Variants in CSNK1G1 observed in about 807,000 individuals in gnomAD.
The protein encoded by CSNK1G1 is casein kinase 1 gamma 1.
CSNK1G1 carries 22 observed loss-of-function variants against 59.6 expected under a neutral mutation model. The observed-to-expected ratio is 0.37, with a 90% CI of 0.26 to 0.53. CSNK1G1 has a LOEUF of 0.53. Among genes scored for constraint, CSNK1G1 ranks in the 20% least tolerant of loss-of-function variants. The pLI, the probability that CSNK1G1 is intolerant of heterozygous loss-of-function variation, is 0.89. For missense variants in CSNK1G1, 384 were observed against 519.5 expected, an observed-to-expected ratio of 0.74 and a Z score of 2.54; for synonymous variants, 179 against 177.1, an observed-to-expected ratio of 1.01 and a Z score of -0.08.
chr15:64,223,688 A>G (rs1306810660), intron 4 of CSNK1G1, among the ~76,000 whole-genome samples: 2 of 152,202 alleles, frequency 1.3e-5, no homozygotes, highest in African/African-American at 2.4e-5. Context: ...AATCTCTTAT[A>G]AACCAAACTG....
intron 2 of CSNK1G1, chr15:64,265,632 T>C (rs1596184944): frequency 3.0e-6 from 1 of 331,186 alleles, no homozygotes; most frequent in East Asian, 7.5e-5. Context: ...AACAGACTAA[T>C]ACAGAAGACA....
chr15:64,276,428 T>C (rs1364509436), intron 2 of CSNK1G1, among the ~76,000 whole-genome samples: 1 of 152,250 alleles, frequency 6.6e-6, no homozygotes, highest in Non-Finnish European at 1.5e-5. Context: ...AAATCTCAGA[T>C]GTTACATCAT....
At position 64,171,802 on chromosome 15, in the gene CSNK1G1, GTTT is replaced by G. The variant is rs1487210585; in HGVS notation, c.*126_*128del. ...GCACTGGCCCCTTCTGGGGGCATCT[GTTT>G]TCTTCTTTTTGGTTTGGATATCCAC... On this transcript the variant is annotated 3_prime_UTR_variant, in exon 12 of 12. Transcript: ENST00000303052. This position sits in a 1 kb window ranked among gnomAD's most constrained non-coding sequence, Gnocchi z 4.8. 1 of 844,954 alleles carries G rather than the reference GTTT, an allele frequency of 1.2e-6. No individual in the cohort carries two copies. Among genetic ancestry groups the G allele is most frequent in the Non-Finnish European group, 2.0e-6 (1 of 503,168 alleles). 52.3% of individuals were successfully genotyped at this position (844,954 alleles called of 1,614,324 possible). A position where few individuals can be genotyped will look rare whatever the true frequency, so the allele number is the denominator to read the frequency against.
At chr15:64,319,274 T>C (rs2140436063) in intron 1 of CSNK1G1, among the ~76,000 whole-genome samples, 1 of 152,230 alleles carries the variant, frequency 6.6e-6, no homozygotes, top group Middle Eastern at 3.2e-3. Flanking sequence ...GAGTCTCACA[T>C]GTTAGACTTT....
chr15:64,199,313 G>A (rs1168933727), intron 10 of CSNK1G1, among the ~76,000 whole-genome samples: 4 of 146,608 alleles, frequency 2.7e-5, no homozygotes, highest in Non-Finnish European at 6.0e-5. Context: ...ATATCAAAGA[G>A]AGATATTCAA....
chr15:64,318,613 CTTTT>C (rs761084189), intron 1 of CSNK1G1, among the ~76,000 whole-genome samples: 1 of 135,716 alleles, frequency 7.4e-6, no homozygotes, highest in Non-Finnish European at 1.6e-5. Flanking sequence ...GTGGCATGAT[CTTTT>C]TTTTTTTTTT....
chr15:64,202,476 T>C (rs1294829076), intron 10 of CSNK1G1, among the ~76,000 whole-genome samples: 1 of 151,672 alleles, frequency 6.6e-6, no homozygotes, highest in African/African-American at 2.4e-5. Context: ...TTTGGTCCTA[T>C]GGTAGATGCC....
At chr15:64,228,978 C>T (rs1283004388) in intron 4 of CSNK1G1, among the ~76,000 whole-genome samples, 4 of 141,890 alleles carry the variant, frequency 2.8e-5, no homozygotes, top group Non-Finnish European at 6.0e-5. Context: ...GAGATCATAC[C>T]GCTGTACACC....
In CSNK1G1 at chr15:64,216,858, A is replaced by T; in HGVS notation, c.293-145T>A. ...CTTTCATAGTCCCTACTGGAAACTC[A>T]AACTGAGCACAACAGCTTCAATGGG... On this transcript the variant is annotated intron_variant, in intron 4 of 11. Coordinates refer to ENST00000303052, the MANE Select transcript of CSNK1G1 (RefSeq NM_022048.5). This position sits in a 1 kb window ranked among gnomAD's most constrained non-coding sequence, Gnocchi z 4.6. 1 of 721,760 alleles carries T rather than the reference A, an allele frequency of 1.4e-6. No homozygotes were observed. Among genetic ancestry groups the T allele is most frequent in the Non-Finnish European group, 2.2e-6 (1 of 449,736 alleles). 44.7% of individuals were successfully genotyped at this position (721,760 alleles called of 1,614,324 possible).
intron 4 of CSNK1G1, 155 bp downstream of exon 4, chr15:64,251,357 T>G: frequency 1.8e-6 from 1 of 556,776 alleles, no homozygotes; most frequent in South Asian, 2.6e-5. Flanking sequence ...AGAGCGCAAG[T>G]AGCTTTGTGG....
intron 11 of CSNK1G1, among the ~76,000 whole-genome samples, chr15:64,175,929 T>A (rs1052503240): frequency 8.5e-5 from 13 of 152,384 alleles, no homozygotes; most frequent in Admixed American, 3.9e-4. Flanking sequence ...TACAGTAATC[T>A]TGCCCTTTTA....
intron 1 of CSNK1G1, among the ~76,000 whole-genome samples, chr15:64,320,434 T>C (rs12907137): frequency 6.6e-6 from 1 of 151,904 alleles, no homozygotes; most frequent in Non-Finnish European, 1.5e-5. Context: ...ATCCCAGCAC[T>C]TTGGGAGGCT....
At chr15:64,286,122 G>A (rs117455344) in intron 2 of CSNK1G1, among the ~76,000 whole-genome samples, 2 of 151,990 alleles carry the variant, frequency 1.3e-5, no homozygotes, top group Middle Eastern at 3.4e-3. Context: ...GTTCTTTCAC[G>A]TTCTCACCCC....
rs928192194 is a variant in CSNK1G1 at position 64,173,619 on chromosome 15, CTTTTTTTTTTTT to C, written c.1215-1646_1215-1635del. ...TTGGTGTTTTTCTTTCTTTTCTTTT[CTTTTTTTTTTTT>C]TTTTTTTTTGAGACTGAGTCTCACT... On this transcript the variant is annotated intron_variant, in intron 11 of 11. Transcript: ENST00000303052. 2.4e-3 allele frequency among the ~76,000 whole-genome samples: 262 copies of C among 108,558 alleles called. 3 individuals are homozygous for C. Among genetic ancestry groups the C allele is most frequent in the African/African-American group, 9.4e-3 (251 of 26,840 alleles). The allele number at this position is 108,558 out of a possible 152,430, so 71.2% of individuals were successfully genotyped here.
chr15:64,232,561 T>C (rs1044042559), intron 4 of CSNK1G1, among the ~76,000 whole-genome samples: 5 of 152,186 alleles, frequency 3.3e-5, no homozygotes, highest in African/African-American at 1.2e-4. Context: ...TCCATAGTAC[T>C]CCACAGCTTT....
chr15:64,349,621 T>C (rs909307728), intron 1 of CSNK1G1, among the ~76,000 whole-genome samples: 1 of 152,206 alleles, frequency 6.6e-6, no homozygotes, highest in African/African-American at 2.4e-5. Context: ...TCTATCCAGA[T>C]GGCTCTCTCT....
intron 1 of CSNK1G1, among the ~76,000 whole-genome samples, chr15:64,321,786 AT>A (rs1331145523): frequency 5.3e-5 from 8 of 152,314 alleles, no homozygotes; most frequent in African/African-American, 1.9e-4. Context: ...AAATGACCAT[AT>A]TGTTAAATTT....
chr15:64,340,077 A>AT (rs1039383125), intron 1 of CSNK1G1, among the ~76,000 whole-genome samples: 1 of 152,140 alleles, frequency 6.6e-6, no homozygotes, highest in African/African-American at 2.4e-5. Flanking sequence ...TTTAAAGGTC[A>AT]TTTTTTTAAA....
At chr15:64,203,282 T>A in intron 9 of CSNK1G1, 93 bp from the exon 10 acceptor site, 1 of 827,930 alleles carries the variant, frequency 1.2e-6, no homozygotes, top group Non-Finnish European at 2.0e-6. Context: ...AATAGAGTAG[T>A]AGTAATTATT....
Sources: gnomAD v4.1 joint callset for allele counts (sites outside exome capture counted in the v4.1 genomes callset) on GRCh38, gnomAD v4.1.1 for gene constraint, Gnocchi (gnomAD v3.1) non-coding constraint, MANE v1.5 for transcripts, NCBI Gene and HGNC (gene_info 2026-07-23, HGNC 2026-07-21) for gene names.